The following CHN1 variants were observed in gnomAD, a reference collection of about 807,000 sequenced individuals.
The protein encoded by CHN1 is N-chimaerin.
A neutral mutation model predicts 59.5 loss-of-function variants in CHN1; 37 were observed. That is an observed-to-expected ratio of 0.62 (90% confidence interval 0.48 to 0.82). The LOEUF (loss-of-function observed/expected upper bound fraction) is 0.82, where lower values mean the gene tolerates loss of function less well. Among genes scored for constraint, CHN1 ranks in the 40% least tolerant of loss-of-function variants. The pLI, the probability that CHN1 is intolerant of heterozygous loss-of-function variation, is 0.00. For missense variants in CHN1, 469 were observed against 571.0 expected (o/e 0.82, Z 1.82); for synonymous variants, 206 against 200.4 (o/e 1.03, Z -0.24).
chr2:174,936,532 T>C (rs1219338753), intron 3 of CHN1, among the ~76,000 whole-genome samples: 2 of 152,154 alleles, frequency 1.3e-5, no homozygotes, highest in African/African-American at 4.8e-5. Flanking sequence ...TAGATACACA[T>C]TTACTTGAAT....
At position 174,801,821 on chromosome 2, in the gene CHN1, G is replaced by T. The variant is rs1159798755; in HGVS notation, c.1103-9C>A. The T allele has an allele frequency of 1.9e-6, 3 of 1,593,146 alleles. No individual in the cohort carries two copies. Among genetic ancestry groups the T allele is most frequent in the Non-Finnish European group, 2.6e-6 (3 of 1,161,302 alleles). ...ATCCGGATCCATAATTTCTAAAATA[G>T]CAAGTCGAATACCAAGAAGAAAAGA... On this transcript the variant is annotated splice_polypyrimidine_tract_variant and intron_variant, in intron 11 of 12. Coordinates refer to ENST00000409900, the MANE Select transcript of CHN1 (RefSeq NM_001822.7).
chr2:174,844,770 AAC>A (rs1409789793), intron 7 of CHN1, among the ~76,000 whole-genome samples: 1 of 152,182 alleles, frequency 6.6e-6, no homozygotes, highest in Non-Finnish European at 1.5e-5. Context: ...ATTTTTAAAT[AAC>A]AGAGAGTAAC....
At chr2:174,817,530 C>A (rs1685312564) in intron 8 of CHN1, among the ~76,000 whole-genome samples, 1 of 149,862 alleles carries the variant, frequency 6.7e-6, no homozygotes, top group Non-Finnish European at 1.5e-5. Flanking sequence ...ATGGCGCAAT[C>A]TTGGCTCACT....
chr2:174,835,573 AT>A (rs538596347), intron 7 of CHN1, among the ~76,000 whole-genome samples: 2,059 of 97,328 alleles, frequency 0.021, 11 homozygotes, highest in Middle Eastern at 0.047. Flanking sequence ...TGTTGTGTTC[AT>A]TTTTTTTTTT....
At chr2:175,000,716 T>C (rs574201469) in intron 1 of CHN1, among the ~76,000 whole-genome samples, 1 of 152,290 alleles carries the variant, frequency 6.6e-6, no homozygotes, top group Admixed American at 6.5e-5. Context: ...AATGCTGGTA[T>C]TACAGGCATG....
At chr2:174,833,028 T>C (rs1440001564) in intron 7 of CHN1, among the ~76,000 whole-genome samples, 1 of 152,168 alleles carries the variant, frequency 6.6e-6, no homozygotes, top group Non-Finnish European at 1.5e-5. Context: ...CACATGGTTA[T>C]ATTTGTCTTA....
At chr2:174,823,761 T>C (rs920854030) in intron 8 of CHN1, among the ~76,000 whole-genome samples, 8 of 152,226 alleles carry the variant, frequency 5.3e-5, no homozygotes, top group Admixed American at 4.6e-4. Context: ...ACATAAGTAC[T>C]TTATTTCACA....
At chr2:174,918,511 G>A (rs775209898) in intron 4 of CHN1, 23 bp downstream of exon 4, 17 of 1,559,148 alleles carry the variant, frequency 1.1e-5, no homozygotes, top group Middle Eastern at 1.7e-4. Context: ...TCTATAAAAC[G>A]TTTTCTAATA....
chr2:174,981,330 G>A (rs1691141294), intron 1 of CHN1, among the ~76,000 whole-genome samples: 1 of 152,156 alleles, frequency 6.6e-6, no homozygotes. Context: ...TTGTCAAGTT[G>A]TCAGCATTAA....
Position 174,798,931 on chromosome 2 carries a change from G to A in CHN1, c.*1185C>T, listed in dbSNP as rs1684629070. Among the ~76,000 whole-genome samples the A allele has an allele frequency of 6.6e-6, 1 of 152,224 alleles. No homozygotes were observed. Among genetic ancestry groups the A allele is most frequent in the South Asian group, 2.1e-4 (1 of 4,826 alleles). On this transcript the variant is annotated 3_prime_UTR_variant, in exon 13 of 13. Transcript: ENST00000409900. ...AGGGTTGTTGGCTCCAAGCCACACA[G>A]GTGGCCAGTGGTAGTACCAGGCCCA... is the stretch of plus-strand genomic sequence containing the variant.
Position 174,808,914 on chromosome 2 carries a change from C to T in CHN1, c.1093G>A (p.Glu365Lys), listed in dbSNP as rs772387420. The T allele has an allele frequency of 1.2e-6, 2 of 1,613,682 alleles. No individual in the cohort carries two copies. ...ITYDAYPKFIESAKIMDPDEQ... is the reference protein window; with the variant it reads ...ITYDAYPKFIKSAKIMDPDEQ... The stretch of plus-strand genomic sequence containing the variant: ...ATGCATTCATACTTACTGGCAGATT[C>T]TATAAACTTAGGGTAGGCATCATAT... The change falls in exon 11 of 13, where the codon GAA becomes AAA. Residue 365 changes from glutamate (E) to lysine (K), a missense_variant. Glu to Lys is a moderately conservative substitution (Grantham distance 56). Coordinates refer to ENST00000409900, the MANE Select transcript of CHN1 (RefSeq NM_001822.7).
intron 2 of CHN1, among the ~76,000 whole-genome samples, chr2:174,945,943 A>AT (rs1689821295): frequency 1.3e-5 from 2 of 148,272 alleles, no homozygotes; most frequent in South Asian, 4.2e-4. Context: ...ATATATATAT[A>AT]AATGTGTGTG....
chr2:174,808,115 A>G (rs926945219), intron 11 of CHN1, among the ~76,000 whole-genome samples: 5 of 152,242 alleles, frequency 3.3e-5, no homozygotes, highest in Non-Finnish European at 7.3e-5. Context: ...TTGATATAAA[A>G]TAGTGCTTTT....
At chr2:174,876,375 C>A (rs1298553482) in intron 6 of CHN1, among the ~76,000 whole-genome samples, 1 of 152,032 alleles carries the variant, frequency 6.6e-6, no homozygotes, top group Non-Finnish European at 1.5e-5. Flanking sequence ...AATGTTCTAG[C>A]AAATCTGCAA....
chr2:174,960,613 C>T (rs375469940), intron 1 of CHN1, among the ~76,000 whole-genome samples: 12 of 152,100 alleles, frequency 7.9e-5, no homozygotes, highest in African/African-American at 2.7e-4. Flanking sequence ...GAGGCCAAGG[C>T]GGGTGGATCA....
rs140745830 is a variant in CHN1, at chr2:174,873,447, G to A, written c.549+4393C>T. ...TCCTCTGGTACTGTTACCTTTATTC[G>A]TGATTAAGTATCACCTTACTGCTGA... On this transcript the variant is annotated intron_variant, in intron 6 of 12. Transcript: ENST00000409900. Among the ~76,000 whole-genome samples, 353 of 152,206 alleles carry A rather than the reference G, an allele frequency of 2.3e-3. 2 individuals carry two copies. Among genetic ancestry groups the A allele is most frequent in the African/African-American group, 8.2e-3 (339 of 41,538 alleles).
chr2:174,859,675 T>C (rs182711839), intron 6 of CHN1, among the ~76,000 whole-genome samples: 155 of 152,260 alleles, frequency 1.0e-3, no homozygotes, highest in Non-Finnish European at 1.0e-3. Flanking sequence ...GTTAAGGTGT[T>C]TGTTCAGGGC....
chr2:174,804,841 C>A (rs546278760), intron 11 of CHN1, among the ~76,000 whole-genome samples: 1 of 152,184 alleles, frequency 6.6e-6, no homozygotes, highest in Non-Finnish European at 1.5e-5. Context: ...GTGGATTAAT[C>A]TGGTGTTCAG....
At chr2:174,877,285 G>C (rs1687594800) in intron 6 of CHN1, among the ~76,000 whole-genome samples, 1 of 151,908 alleles carries the variant, frequency 6.6e-6, no homozygotes, top group South Asian at 2.1e-4. Flanking sequence ...AAGTAAAAGT[G>C]AATCTTACTC....
Sources: allele counts gnomAD v4.1 joint callset (sites outside exome capture counted in the v4.1 genomes callset), GRCh38; gene constraint gnomAD v4.1.1; transcripts MANE v1.5; gene names NCBI Gene and HGNC (gene_info 2026-07-23, HGNC 2026-07-21).